The following LAMB4 variants were observed in gnomAD, a reference collection of about 807,000 sequenced individuals.
LAMB4 encodes the protein laminin subunit beta 4.
Under a neutral mutation model 199.2 loss-of-function variants are expected in LAMB4, and 196 were observed. The observed-to-expected ratio is 0.98, with a 90% confidence interval of 0.88 to 1.11. The LOEUF (loss-of-function observed/expected upper bound fraction) is 1.11, where lower values mean the gene tolerates loss of function less well. Ranked by LOEUF, LAMB4 falls within the 50% of genes least tolerant of loss-of-function variation. The pLI is 0.00. For synonymous variants in LAMB4, 744 were observed against 770.6 expected, an observed-to-expected ratio of 0.97 and a Z score of 0.57; for missense variants, 2,080 against 2,171.2, an observed-to-expected ratio of 0.96 and a Z score of 0.83.
At chr7:108,052,067 G>A in intron 26 of LAMB4, 30 bp downstream of exon 26, 1 of 1,574,970 alleles carries the variant, frequency 6.3e-7, no homozygotes, top group South Asian at 1.2e-5. Context: ...ACTTTGTGCA[G>A]ACACAGTCAA....
chr7:108,109,789 C>A (rs894810463), intron 4 of LAMB4, among the ~76,000 whole-genome samples: 1 of 152,072 alleles, frequency 6.6e-6, no homozygotes, highest in African/African-American at 2.4e-5. Flanking sequence ...CAGTGTTTTG[C>A]ACTGAGCTAG....
intron 1 of LAMB4, 135 bp from the exon 2 acceptor site, chr7:108,123,332 C>G (rs1383082474): frequency 4.5e-6 from 2 of 442,016 alleles, no homozygotes; most frequent in Non-Finnish European, 8.0e-6. Flanking sequence ...CTGTCCAGAT[C>G]CTCAAAAAAT....
chr7:108,053,713 G>C (rs1374194606), intron 25 of LAMB4, among the ~76,000 whole-genome samples: 1 of 152,142 alleles, frequency 6.6e-6, no homozygotes, highest in Non-Finnish European at 1.5e-5. Flanking sequence ...TTTCTCTCTG[G>C]CTCTGCCTGT....
At chr7:108,026,875 C>T (rs758740339) in intron 33 of LAMB4, 1 of 517,616 alleles carries the variant, frequency 1.9e-6, no homozygotes, top group East Asian at 5.5e-5. Context: ...ACAGCCAAAT[C>T]AATGTCTCAT....
intron 28 of LAMB4, among the ~76,000 whole-genome samples, chr7:108,046,691 CTTAAATG>C (rs949347732): frequency 1.3e-5 from 2 of 151,922 alleles, no homozygotes; most frequent in African/African-American, 4.8e-5. Flanking sequence ...TTATAAGGTA[CTTAAATG>C]TTAAAACAAC....
chr7:108,045,990 G>C (rs1337964269), intron 28 of LAMB4, among the ~76,000 whole-genome samples: 1 of 151,984 alleles, frequency 6.6e-6, no homozygotes, highest in Non-Finnish European at 1.5e-5. Context: ...TCCCAAGCTT[G>C]GCCCTCTATC....
chr7:108,092,160 G>T (rs1172403622), intron 13 of LAMB4, among the ~76,000 whole-genome samples, 177 bp downstream of exon 13: 1 of 152,120 alleles, frequency 6.6e-6, no homozygotes, highest in Non-Finnish European at 1.5e-5. Flanking sequence ...CAGAAGGATT[G>T]TTTACCTCAC....
rs778430745 is a variant in LAMB4, at chr7:108,069,818, T to C, written c.2192A>G (p.Gln731Arg). The change falls in exon 18 of 34, where the codon CAG (glutamine) becomes CGG (arginine). Residue 731 changes from glutamine (Q) to arginine (R), a missense_variant. Transcript: ENST00000388781. ...FCSKQDLDEY[Q>R]LHNCVEIASA... Reference sequence around the variant, plus strand: ...GGCAATTTCAACACAGTTGTGAAGCTGATACTCATCTAAGTCCTGCTTGCT... The same window carrying C: ...GGCAATTTCAACACAGTTGTGAAGCCGATACTCATCTAAGTCCTGCTTGCT... 3.7e-6 allele frequency: 6 copies of C among 1,614,070 alleles called. No homozygotes were observed. The Admixed American group carries it at 1.0e-4, about 27-fold the overall frequency.
At chr7:108,044,933 A>G (rs918378380) in intron 28 of LAMB4, among the ~76,000 whole-genome samples, 1 of 144,556 alleles carries the variant, frequency 6.9e-6, no homozygotes, top group Non-Finnish European at 1.5e-5. Context: ...AGCCTGGGCC[A>G]GACAGAGTGA....
rs1048513146 is a variant in LAMB4 at position 108,103,356 on chromosome 7, T to C, written c.992-124A>G. On this transcript the variant is annotated intron_variant, in intron 9 of 33. Transcript: ENST00000388781. The stretch of plus-strand genomic sequence containing the variant: ...CTCCTGCCATTTCGTGTTCTTTGTA[T>C]AGATGCACCAAGCAAACACAGGGCC... 9.5e-6 allele frequency: 7 copies of C among 737,316 alleles called. No homozygotes were observed. The African/African-American group carries it at 1.0e-4, about 11-fold the overall frequency. 45.7% of individuals were successfully genotyped at this position (737,316 alleles called of 1,614,324 possible).
rs2035281282 is a variant in LAMB4, at chr7:108,037,745, ATTC to A, written c.4472-153_4472-151del. 9 of 627,522 alleles carry A rather than the reference ATTC, an allele frequency of 1.4e-5. No homozygotes were observed. In the South Asian group the frequency reaches 1.6e-4, roughly 11 times the overall value. The allele number at this position is 627,522 out of a possible 1,614,324, so 38.9% of individuals were successfully genotyped here. ...GGGATTAGATTGTAGCTTCCTATAG[ATTC>A]TTCTTCATCCTCAGCTGTCCCTTCT... On this transcript the variant is annotated intron_variant, in intron 29 of 33. Transcript: ENST00000388781.
chr7:108,082,698 G>A (rs1445566943), intron 14 of LAMB4, among the ~76,000 whole-genome samples: 1 of 152,176 alleles, frequency 6.6e-6, no homozygotes, highest in Non-Finnish European at 1.5e-5. Context: ...GACCTGTGGG[G>A]TAAGAGCTCT....
chr7:108,029,907 T>C (rs1329760388), intron 32 of LAMB4, among the ~76,000 whole-genome samples: 7 of 151,910 alleles, frequency 4.6e-5, no homozygotes, highest in African/African-American at 1.7e-4. Flanking sequence ...ATCATGAGGT[T>C]AGGAGATTGA....
At chr7:108,022,642 C>T (rs2034716387), downstream of LAMB4, among the ~76,000 whole-genome samples, 2 of 152,086 alleles carry the variant, frequency 1.3e-5, no homozygotes, top group South Asian at 4.1e-4. Flanking sequence ...TAATTATATA[C>T]TTCAAGAGAG....
intron 10 of LAMB4, among the ~76,000 whole-genome samples, chr7:108,102,230 T>G (rs150633338): frequency 1.2e-4 from 19 of 152,228 alleles, no homozygotes; most frequent in Non-Finnish European, 2.4e-4. Flanking sequence ...TATAAGAAAT[T>G]AAAATGGAAG....
rs116840092 is a variant in LAMB4 at position 108,036,350 on chromosome 7, G to A, written c.4679+1038C>T. 7.6e-3 allele frequency among the ~76,000 whole-genome samples: 1,157 copies of A among 151,956 alleles called. 11 individuals carry two copies. Among genetic ancestry groups the A allele is most frequent in the African/African-American group, 0.026 (1,089 of 41,418 alleles). On this transcript the variant is annotated intron_variant, in intron 30 of 33. Coordinates refer to ENST00000388781, the MANE Select transcript of LAMB4 (RefSeq NM_007356.3). ...ATTACAGGCATGCACCACTACACCC[G>A]GCAAATTTTGTATTTTTAGGAAAGA...
At chr7:108,016,598 T>G in the LAMB4 span, among the ~76,000 whole-genome samples, 1 of 152,218 alleles carries the variant, frequency 6.6e-6, no homozygotes, top group African/African-American at 2.4e-5. Context: ...TTGGAATTTC[T>G]TAAACCTCTT....
intron 11 of LAMB4, 144 bp from the exon 12 acceptor site, chr7:108,095,481 G>T: frequency 1.6e-6 from 1 of 636,812 alleles, no homozygotes; most frequent in Non-Finnish European, 2.8e-6. Context: ...GCCTGGCTGC[G>T]TGATTATTGT....
chr7:108,070,530 C>T (rs1295305348), intron 17 of LAMB4, among the ~76,000 whole-genome samples: 1 of 152,184 alleles, frequency 6.6e-6, no homozygotes, highest in Admixed American at 6.5e-5. Flanking sequence ...GCCTACTCAG[C>T]GTGAAGATGA....
Sources: allele counts gnomAD v4.1 joint callset (sites outside exome capture counted in the v4.1 genomes callset), GRCh38; gene constraint gnomAD v4.1.1; transcripts MANE v1.5; gene names NCBI Gene and HGNC (gene_info 2026-07-23, HGNC 2026-07-21).